Variants in EPG5 observed in about 807,000 individuals in gnomAD.
The protein encoded by EPG5 is ectopic P-granules 5 autophagy tethering factor.
EPG5 carries 159 observed loss-of-function variants against 302.7 expected under a neutral mutation model. That is an observed-to-expected ratio of 0.53 (90% confidence interval 0.46 to 0.60). EPG5 has a LOEUF of 0.60. EPG5 is among the 20% of genes least tolerant of loss of function. EPG5 has a pLI of 0.00. For synonymous variants in EPG5, 1,158 were observed against 1,136.8 expected, an observed-to-expected ratio of 1.02 and a Z score of -0.37; for missense variants, 2,896 against 3,092.4, an observed-to-expected ratio of 0.94 and a Z score of 1.51.
chr18:45,963,702 C>T (rs1185410416), intron 1 of EPG5, among the ~76,000 whole-genome samples: 1 of 152,130 alleles, frequency 6.6e-6, no homozygotes, highest in African/African-American at 2.4e-5. Context: ...AGGAGGAAGA[C>T]AGAGGCAAGA....
chr18:45,879,298 T>C (rs1031906795), intron 32 of EPG5, 84 bp from the exon 33 acceptor site: 1 of 924,452 alleles, frequency 1.1e-6, no homozygotes, highest in African/African-American at 1.7e-5. Flanking sequence ...GGGGTGTATA[T>C]AGTAGGTCTT....
At chr18:45,862,366 C>T (rs114918320) in intron 39 of EPG5, among the ~76,000 whole-genome samples, 2,183 of 152,130 alleles carry the variant, frequency 0.014, 35 homozygotes, top group African/African-American at 0.042. Flanking sequence ...TTTTAATTTT[C>T]ACCTTTTAAA....
intron 29 of EPG5, among the ~76,000 whole-genome samples, chr18:45,887,237 T>A (rs2145468534): frequency 6.6e-6 from 1 of 152,250 alleles, no homozygotes; most frequent in South Asian, 2.1e-4. Flanking sequence ...AACAAATAAA[T>A]GTTGACCAAG....
chr18:45,898,002 C>T (rs2049518907), intron 27 of EPG5, among the ~76,000 whole-genome samples: 1 of 152,240 alleles, frequency 6.6e-6, no homozygotes, highest in African/African-American at 2.4e-5. Context: ...AATCTCCAAG[C>T]ATTTCTCTTT....
chr18:45,838,127 G>C, the EPG5 span, among the ~76,000 whole-genome samples: 1 of 152,220 alleles, frequency 6.6e-6, no homozygotes, highest in African/African-American at 2.4e-5. Context: ...CCCGGGAATA[G>C]GCATTGCCGT....
At chr18:45,915,265 C>A (rs2050001992) in intron 20 of EPG5, among the ~76,000 whole-genome samples, 1 of 151,264 alleles carries the variant, frequency 6.6e-6, no homozygotes. Flanking sequence ...GCAACAAGAG[C>A]AAAACTCCAT....
At chr18:45,912,518 T>G in intron 21 of EPG5, 62 bp from the exon 22 acceptor site, 1 of 1,445,318 alleles carries the variant, frequency 6.9e-7, no homozygotes, top group Non-Finnish European at 9.4e-7. Flanking sequence ...CGGTTAACTC[T>G]TTCTAAGTGA....
chr18:45,887,009 A>G (rs531341908), intron 29 of EPG5, among the ~76,000 whole-genome samples: 2 of 152,322 alleles, frequency 1.3e-5, no homozygotes, highest in South Asian at 2.1e-4. Context: ...AAAAAAATCA[A>G]TGATGATACC....
the EPG5 span, among the ~76,000 whole-genome samples, chr18:45,812,813 A>G: frequency 4.6e-5 from 7 of 152,224 alleles, no homozygotes; most frequent in Non-Finnish European, 1.0e-4. Context: ...AACCATAAAA[A>G]CCCTAAAAGA....
intron 10 of EPG5, among the ~76,000 whole-genome samples, chr18:45,936,555 C>T (rs1386181100): frequency 6.6e-6 from 1 of 151,774 alleles, no homozygotes; most frequent in African/African-American, 2.4e-5. Flanking sequence ...TAGTGAAACC[C>T]CATCTCTACT....
chr18:45,847,473 A>T (rs572960917), downstream of EPG5: 8 of 152,358 alleles, frequency 5.3e-5, no homozygotes, highest in Middle Eastern at 6.8e-3. Flanking sequence ...GGCCTCGCCC[A>T]TCGTGGTGAA....
chr18:45,922,575 C>T lies in EPG5; in HGVS notation c.2864G>A (p.Arg955Gln), dbSNP rs774033511. Reference protein sequence around the residue: ...KQVSYLASIVRYGETPETSFN... With the variant: ...KQVSYLASIVQYGETPETSFN... Reference sequence around the variant, plus strand: ...TGAGGTCTCGGGTGTCTCTCCATATCGAACAATACTGGCCAAATATGAAAC... The same window carrying T: ...TGAGGTCTCGGGTGTCTCTCCATATTGAACAATACTGGCCAAATATGAAAC... The change falls in exon 16 of 44, where the codon CGA (arginine) becomes CAA (glutamine). Residue 955 changes from arginine to glutamine, a missense_variant. Arg to Gln is a conservative substitution (Grantham distance 43). This residue lies in a region of EPG5 where 1,390 missense variants were observed against 1,430.0 expected (regional missense o/e 0.97). Transcript: ENST00000282041. 2.5e-6 allele frequency: 4 copies of T among 1,614,128 alleles called. No individual in the cohort carries two copies. The highest frequency in any genetic ancestry group is 3.4e-6 in the Non-Finnish European group (4 of 1,180,022).
chr18:45,858,665 TAA>T lies in EPG5; in HGVS notation c.7125_7126del (p.Tyr2376ArgfsTer16). Reference sequence around the variant, plus strand: ...GTTTAAACACTGAAGCAAGTAGACGTAAAGAGTCAAGTAACTGCCCAAGGTGA... The same window carrying T: ...GTTTAAACACTGAAGCAAGTAGACGTAGAGTCAAGTAACTGCCCAAGGTGA... On this transcript the variant is annotated frameshift_variant, in exon 41 of 44. Coordinates refer to ENST00000282041, the MANE Select transcript of EPG5 (RefSeq NM_020964.3). LOFTEE classifies it high-confidence loss of function. 6.2e-7 allele frequency: 1 copy of T among 1,614,108 alleles called. No individual in the cohort carries two copies. Among genetic ancestry groups the T allele is most frequent in the Non-Finnish European group, 8.5e-7 (1 of 1,180,000 alleles).
intron 29 of EPG5, 48 bp from the exon 30 acceptor site, chr18:45,884,859 C>A (rs1568121484): frequency 5.0e-6 from 7 of 1,388,996 alleles, no homozygotes; most frequent in Non-Finnish European, 6.7e-6. Context: ...TCCCTCACAA[C>A]CTTTATTTAA....
rs78696159 is a variant in EPG5, at chr18:45,934,765, A to G, written c.2257+44T>C. The G allele has an allele frequency of 1.3e-3, 2,021 of 1,555,578 alleles. 51 individuals carry two copies. The East Asian group carries it at 0.031, about 24-fold the overall frequency. ...AATTAAGCCCTGAAGAGAAGCACAA[A>G]AAGATAGGGAGAGCTGGACGCCGAC... is the stretch of plus-strand genomic sequence containing the variant. On this transcript the variant is annotated intron_variant, in intron 11 of 43. Coordinates refer to ENST00000282041, the MANE Select transcript of EPG5 (RefSeq NM_020964.3).
intron 4 of EPG5, among the ~76,000 whole-genome samples, chr18:45,950,803 A>G (rs1164288647): frequency 1.3e-5 from 2 of 152,212 alleles, no homozygotes; most frequent in Non-Finnish European, 2.9e-5. Flanking sequence ...CTGTACCTAT[A>G]TTCTGAATAT....
intron 1 of EPG5, among the ~76,000 whole-genome samples, chr18:45,965,838 G>A (rs367791641): frequency 6.7e-6 from 1 of 149,120 alleles, no homozygotes; most frequent in Non-Finnish European, 1.5e-5. Context: ...CGGATCACCT[G>A]AGGTCAGGAG....
chr18:45,864,064 A>T (rs1440141880), intron 39 of EPG5, among the ~76,000 whole-genome samples: 1 of 151,958 alleles, frequency 6.6e-6, no homozygotes, highest in Non-Finnish European at 1.5e-5. Flanking sequence ...TGTATATTAA[A>T]CCTTCTCAGC....
chr18:45,943,442 GC>G, intron 8 of EPG5, 131 bp from the exon 9 acceptor site: 1 of 713,370 alleles, frequency 1.4e-6, no homozygotes, highest in Non-Finnish European at 2.3e-6. Context: ...CATTACTCTG[GC>G]TCCCATATCA....
Sources: gnomAD v4.1 joint callset for allele counts (sites outside exome capture counted in the v4.1 genomes callset) on GRCh38, gnomAD v4.1.1 for gene constraint, gnomAD v4.1.1 regional missense constraint, MANE v1.5 for transcripts, NCBI Gene and HGNC (gene_info 2026-07-23, HGNC 2026-07-21) for gene names.